CUBN: variants seen among roughly 807,000 people sequenced by gnomAD.
CUBN encodes 460 kDa receptor.
Under a neutral mutation model 405.3 loss-of-function variants are expected in CUBN, and 282 were observed. The ratio of observed to expected loss-of-function variants is 0.70; its 90% CI spans 0.63 to 0.77. The LOEUF is 0.77. Ranked by LOEUF, CUBN falls within the 30% of genes least tolerant of loss-of-function variation. The pLI is 0.00. For synonymous variants in CUBN, 1,684 were observed against 1,617.0 expected (o/e 1.04, Z -0.99); for missense variants, 4,514 against 4,475.2 (o/e 1.01, Z -0.25).
chr10:17,083,612 T>C (rs559900227), intron 17 of CUBN, among the ~76,000 whole-genome samples: 2 of 152,298 alleles, frequency 1.3e-5, no homozygotes, highest in Non-Finnish European at 2.9e-5. Context: ...TAAAGTTCTG[T>C]TTCCTCTGTC....
At chr10:16,825,236 G>T (rs1303896549) in intron 66 of CUBN, among the ~76,000 whole-genome samples, 154 bp from the exon 67 acceptor site, 2 of 152,156 alleles carry the variant, frequency 1.3e-5, no homozygotes, top group Non-Finnish European at 2.9e-5. Flanking sequence ...TGCAAAGAAT[G>T]AATGCAAATG....
At chr10:16,982,762 C>T (rs572702379) in intron 30 of CUBN, 109 bp from the exon 31 acceptor site, 8 of 1,010,774 alleles carry the variant, frequency 7.9e-6, no homozygotes, top group Admixed American at 6.0e-5. Flanking sequence ...ATCAGTTAGT[C>T]GATGCTAAAA....
Position 17,100,037 on chromosome 10 carries a change from C to T in CUBN, c.1733G>A (p.Gly578Asp). 6.2e-7 allele frequency: 1 copy of T among 1,613,736 alleles called. No homozygotes were observed. Among genetic ancestry groups the T allele is most frequent in the Non-Finnish European group, 8.5e-7 (1 of 1,179,740 alleles). Residue 578 changes from glycine (G) to aspartate (D), a missense_variant, in exon 14 of 67, where the codon GGC becomes GAC. Gly to Asp is a moderately conservative substitution (Grantham distance 94, BLOSUM62 -1). Transcript: ENST00000377833. ...LYSEHLRNGR[G>D]FTVRWETQQP... Reference sequence around the variant, plus strand: ...CTGTGTTTCCCATCTTACTGTAAAGCCTCTCCCATTTCTTAAATGTTCAGA... The same window carrying T: ...CTGTGTTTCCCATCTTACTGTAAAGTCTCTCCCATTTCTTAAATGTTCAGA...
At chr10:17,054,391 T>G (rs939398203) in intron 22 of CUBN, among the ~76,000 whole-genome samples, 1 of 150,136 alleles carries the variant, frequency 6.7e-6, no homozygotes, top group Non-Finnish European at 1.5e-5. Context: ...TATATCTATA[T>G]CTATCTATCT....
chr10:16,921,516 A>G (rs1053027226), intron 43 of CUBN, among the ~76,000 whole-genome samples: 1 of 152,196 alleles, frequency 6.6e-6, no homozygotes, highest in Non-Finnish European at 1.5e-5. Context: ...GTCACCTCAC[A>G]GTTATATGCC....
intron 37 of CUBN, among the ~76,000 whole-genome samples, 175 bp from the exon 38 acceptor site, chr10:16,939,322 T>C (rs1026626995): frequency 6.6e-6 from 1 of 152,168 alleles, no homozygotes; most frequent in African/African-American, 2.4e-5. Flanking sequence ...TATCACTTCC[T>C]TAGAAAAGGT....
chr10:17,127,940 G>T lies in CUBN; in HGVS notation c.253-16C>A, dbSNP rs1837237989. 1.3e-6 allele frequency: 2 copies of T among 1,537,238 alleles called. No individual in the cohort carries two copies. Among genetic ancestry groups the T allele is most frequent in the Middle Eastern group, 3.4e-4 (2 of 5,906 alleles). ...TTTTCTGGATCTAATTTTAGAAAAA[G>T]AAGAAGAAATGAAGAGCACTAGTGA... On this transcript the variant is annotated splice_polypyrimidine_tract_variant and intron_variant, in intron 2 of 66. Coordinates refer to ENST00000377833, the MANE Select transcript of CUBN (RefSeq NM_001081.4).
intron 29 of CUBN, among the ~76,000 whole-genome samples, chr10:16,986,426 T>G (rs1233609121): frequency 4.0e-5 from 6 of 151,288 alleles, no homozygotes; most frequent in Non-Finnish European, 8.8e-5. Flanking sequence ...TGGGGAGGAG[T>G]GTGTGATTTG....
intron 10 of CUBN, among the ~76,000 whole-genome samples, chr10:17,105,970 G>A (rs1349600814): frequency 6.6e-6 from 1 of 152,112 alleles, no homozygotes; most frequent in Non-Finnish European, 1.5e-5. Context: ...GACTTACTCT[G>A]ACTGATTTAA....
At chr10:17,042,968 G>A (rs1835049622) in intron 26 of CUBN, among the ~76,000 whole-genome samples, 1 of 152,022 alleles carries the variant, frequency 6.6e-6, no homozygotes, top group African/African-American at 2.4e-5. Flanking sequence ...GTAGAATTAT[G>A]TTTCCAAAAC....
intron 56 of CUBN, among the ~76,000 whole-genome samples, chr10:16,882,363 T>C (rs538593464): frequency 6.6e-6 from 1 of 152,346 alleles, no homozygotes; most frequent in South Asian, 2.1e-4. Flanking sequence ...TTTATGACTA[T>C]TTTCCATCCT....
intron 28 of CUBN, among the ~76,000 whole-genome samples, chr10:17,001,147 G>T (rs1188741554): frequency 6.6e-6 from 1 of 152,138 alleles, no homozygotes; most frequent in Non-Finnish European, 1.5e-5. Context: ...TGGGTTTCTG[G>T]TCTCGCTGGC....
chr10:17,100,103 T>A lies in CUBN; in HGVS notation c.1667A>T (p.Glu556Val). 6.2e-7 allele frequency: 1 copy of A among 1,613,962 alleles called. No individual in the cohort carries two copies. Among genetic ancestry groups the A allele is most frequent in the Non-Finnish European group, 8.5e-7 (1 of 1,179,878 alleles). The change falls in exon 14 of 67, where the codon GAA (glutamate) becomes GTA (valine). Residue 556 changes from glutamate to valine, a missense_variant. Coordinates refer to ENST00000377833, the MANE Select transcript of CUBN (RefSeq NM_001081.4). ...GAGAGCATTGTCACTGCTGAGGAGT[T>A]CATGAGGGAGGCTGGAGCCACAAAA... Reference protein sequence around the residue: ...GRFCGSSLPHELLSSDNALYF... With the variant: ...GRFCGSSLPHVLLSSDNALYF...
chr10:16,843,552 T>C (rs1366423168), intron 60 of CUBN, among the ~76,000 whole-genome samples: 2 of 152,236 alleles, frequency 1.3e-5, no homozygotes, highest in East Asian at 1.9e-4. Context: ...CTTTGTTTCA[T>C]GGAAGAGCAC....
intron 26 of CUBN, among the ~76,000 whole-genome samples, 166 bp downstream of exon 26, chr10:17,043,661 C>T (rs1835060396): frequency 6.6e-6 from 1 of 152,196 alleles, no homozygotes; most frequent in African/African-American, 2.4e-5. Context: ...ATTGCTCACA[C>T]CAATGCGTTA....
chr10:17,109,654 C>G lies in CUBN; in HGVS notation c.1097G>C (p.Cys366Ser), dbSNP rs1564518870. The G allele has an allele frequency of 1.2e-6, 2 of 1,613,552 alleles. No homozygotes were observed. Among genetic ancestry groups the G allele is most frequent in the Non-Finnish European group, 1.7e-6 (2 of 1,179,638 alleles). ...TGAGTCATTACCTAGAGTTGAGGAG[C>G]ATGAGGCATCTGGGTGGCAGCCTCC... The part of the protein sequence containing the change: ...SNGGCHPDAS[C>S]SSTLGSLPLC... Residue 366 changes from cysteine to serine, a missense_variant, in exon 10 of 67, where the codon TGC becomes TCC. This residue lies in a region of CUBN where 1,448 missense variants were observed against 1,388.0 expected (regional missense o/e 1.04). Transcript: ENST00000377833.
chr10:17,088,116 G>C (rs760083463), intron 15 of CUBN, 48 bp downstream of exon 15: 3 of 1,475,460 alleles, frequency 2.0e-6, no homozygotes, highest in Non-Finnish European at 2.8e-6. Flanking sequence ...ATAGTGCCCT[G>C]AGTCCTAATC....
intron 31 of CUBN, among the ~76,000 whole-genome samples, chr10:16,961,983 ATTACAGGCGTGAGCC>A: frequency 6.6e-6 from 1 of 152,138 alleles, no homozygotes; most frequent in Non-Finnish European, 1.5e-5. Flanking sequence ...AAGTGCTGGG[ATTACAGGCGTGAGCC>A]ATGGCGCCCG....
intron 56 of CUBN, among the ~76,000 whole-genome samples, chr10:16,881,474 T>C (rs1291823243): frequency 6.6e-6 from 1 of 152,218 alleles, no homozygotes; most frequent in African/African-American, 2.4e-5. Context: ...AATGTCTGTA[T>C]TGAACAATAA....
Sources: gnomAD v4.1 joint callset for allele counts (sites outside exome capture counted in the v4.1 genomes callset) on GRCh38, gnomAD v4.1.1 for gene constraint, gnomAD v4.1.1 regional missense constraint, MANE v1.5 for transcripts, NCBI Gene and HGNC (gene_info 2026-07-23, HGNC 2026-07-21) for gene names.